Variants in GNG2 observed in about 807,000 individuals in gnomAD.
GNG2 encodes the protein guanine nucleotide-binding protein G(I)/G(S)/G(O) subunit gamma-2.
A neutral mutation model predicts 5.5 loss-of-function variants in GNG2; 5 were observed. The ratio of observed to expected loss-of-function variants is 0.91; its 90% CI spans 0.48 to 1.92. GNG2 has a LOEUF of 1.92. Ranked by LOEUF, GNG2 falls within the 30% of genes most tolerant of loss-of-function variation. The pLI is 0.01. For missense variants in GNG2, 55 were observed against 88.4 expected (o/e 0.62, Z 1.52); for synonymous variants, 28 against 32.0 (o/e 0.88, Z 0.42).
At chr14:51,830,984 C>G (rs1279484664) in intron 2 of GNG2, among the ~76,000 whole-genome samples, 1 of 152,220 alleles carries the variant, frequency 6.6e-6, no homozygotes, top group African/African-American at 2.4e-5. Flanking sequence ...TGTCCTGCCT[C>G]TCTCTCCTTT....
At chr14:51,853,273 A>T (rs1881997661) in intron 2 of GNG2, among the ~76,000 whole-genome samples, 1 of 152,206 alleles carries the variant, frequency 6.6e-6, no homozygotes, top group African/African-American at 2.4e-5. Context: ...AGATGAAGAG[A>T]TGCGAGACCT....
intron 2 of GNG2, among the ~76,000 whole-genome samples, chr14:51,838,961 C>T (rs1813167274): frequency 6.6e-6 from 1 of 152,134 alleles, no homozygotes; most frequent in Non-Finnish European, 1.5e-5. Context: ...AGTATGTACA[C>T]CCCATGGATG....
At chr14:51,916,420 T>C (rs151056512) in intron 2 of GNG2, 12,274 of 451,584 alleles carry the variant, frequency 0.027, 297 homozygotes, top group South Asian at 0.056. Context: ...CGAGGACCTA[T>C]TTTGTACTAA....
intron 2 of GNG2, among the ~76,000 whole-genome samples, chr14:51,838,527 A>G (rs1000693306): frequency 1.3e-5 from 2 of 152,206 alleles, no homozygotes; most frequent in Non-Finnish European, 2.9e-5. Context: ...CAAATCCGAC[A>G]TAACAAATGA....
rs1476770799 is a variant in GNG2 at position 51,867,915 on chromosome 14, C to T, written c.-71+7125C>T. On this transcript the variant is annotated intron_variant, in intron 1 of 3. Transcript: ENST00000556766. ...AATCTGCATAATTTTTTTTTTTGAC[C>T]ACACTCCAAGCTCTTTGAGGACAGC... Among the ~76,000 whole-genome samples, 3 of 151,666 alleles carry T rather than the reference C, an allele frequency of 2.0e-5. No individual in the cohort carries two copies. In the East Asian group the frequency reaches 5.8e-4, roughly 29 times the overall value.
intron 2 of GNG2, among the ~76,000 whole-genome samples, chr14:51,935,780 G>C (rs1040207715): frequency 2.6e-5 from 4 of 152,140 alleles, no homozygotes; most frequent in African/African-American, 7.2e-5. Context: ...AGGTTGCAGG[G>C]AGCTTTTACT....
At position 51,967,051 on chromosome 14, in the gene GNG2, A is replaced by G. The variant is rs75178068; in HGVS notation, c.*364A>G. The G allele has an allele frequency of 6.9e-6, 1 of 145,902 alleles. No individual in the cohort carries two copies. Among genetic ancestry groups the G allele is most frequent in the East Asian group, 2.3e-4 (1 of 4,430 alleles). 9.0% of individuals were successfully genotyped at this position (145,902 alleles called of 1,614,324 possible). ...GCTGTACTGAGGTAAGATATGTGTG[A>G]CCTTCTTGGAATGAATATTGTCTTT... On this transcript the variant is annotated 3_prime_UTR_variant, in exon 4 of 4. Coordinates refer to ENST00000556766, the MANE Select transcript of GNG2 (RefSeq NM_053064.5).
chr14:51,890,907 A>AGACACACAAGG (rs58145402), intron 2 of GNG2, among the ~76,000 whole-genome samples: 14 of 151,992 alleles, frequency 9.2e-5, no homozygotes, highest in African/African-American at 3.1e-4. Context: ...TGGTATATGA[A>AGACACACAAGG]ATTGAGTAGT....
chr14:51,904,771 A>C (rs1174599772), intron 2 of GNG2, among the ~76,000 whole-genome samples: 3 of 152,224 alleles, frequency 2.0e-5, no homozygotes. Context: ...ATTCAAGTTG[A>C]GTTTTCGGTG....
chr14:51,834,740 G>A (rs1594828622), intron 2 of GNG2, among the ~76,000 whole-genome samples: 1 of 152,174 alleles, frequency 6.6e-6, no homozygotes, highest in Non-Finnish European at 1.5e-5. Flanking sequence ...CACATCTAGC[G>A]CTATAATGCA....
At chr14:51,959,443 A>G (rs1173427138) in intron 3 of GNG2, among the ~76,000 whole-genome samples, 1 of 152,060 alleles carries the variant, frequency 6.6e-6, no homozygotes, top group Non-Finnish European at 1.5e-5. Flanking sequence ...TTCCTTTTTT[A>G]TTCATACTGT....
At chr14:51,869,964 G>A (rs12878420) in intron 1 of GNG2, among the ~76,000 whole-genome samples, 1 of 151,994 alleles carries the variant, frequency 6.6e-6, no homozygotes, top group Non-Finnish European at 1.5e-5. Context: ...GCCCAGGCTC[G>A]CTGAAGAACA....
chr14:51,919,397 C>T (rs1023747027), intron 2 of GNG2, among the ~76,000 whole-genome samples: 18 of 152,196 alleles, frequency 1.2e-4, no homozygotes, highest in Admixed American at 3.3e-4. Context: ...AGTCTTTAAA[C>T]ATAGCTCTTT....
chr14:51,911,146 A>G (rs1005929483), intron 2 of GNG2, among the ~76,000 whole-genome samples: 10 of 152,354 alleles, frequency 6.6e-5, no homozygotes, highest in African/African-American at 2.2e-4. Flanking sequence ...GGGGCTTGTC[A>G]GTACCATTGG....
At position 51,966,604 on chromosome 14, in the gene GNG2, G is replaced by A. The variant is rs1889935426; in HGVS notation, c.133G>A (p.Ala45Thr). 2 of 1,613,514 alleles carry A rather than the reference G, an allele frequency of 1.2e-6. No homozygotes were observed. The highest frequency in any genetic ancestry group is 2.2e-5 in the South Asian group (2 of 91,068). Residue 45 changes from alanine to threonine, a missense_variant, in exon 4 of 4, where the codon GCC becomes ACC. Ala to Thr is a moderately conservative substitution (Grantham distance 58). Coordinates refer to ENST00000556766, the MANE Select transcript of GNG2 (RefSeq NM_053064.5). ...ADLMAYCEAH[A>T]KEDPLLTPVP... ...TTTGATGGCCTACTGTGAAGCACAT[G>A]CCAAGGAAGACCCCCTCCTGACCCC...
At chr14:51,855,998 T>C (rs2884136), upstream of GNG2, among the ~76,000 whole-genome samples, 84,386 of 151,906 alleles carry the variant, frequency 0.56, 24,530 homozygotes, top group Non-Finnish European at 0.63. Flanking sequence ...CATAGCAAAA[T>C]GCCATCTGTA....
Position 51,889,449 on chromosome 14 carries a change from A to G in GNG2, c.-30+11792A>G, listed in dbSNP as rs189922825. On this transcript the variant is annotated intron_variant, in intron 2 of 3. Transcript: ENST00000556766. ...AATATTCTGATATTTGATAGTGGTG[A>G]TGGGTACAGAATTCACAGTCTAATC... 1.3e-3 allele frequency among the ~76,000 whole-genome samples: 205 copies of G among 152,282 alleles called. 1 individual carries two copies. Among genetic ancestry groups the G allele is most frequent in the African/African-American group, 4.8e-3 (200 of 41,556 alleles).
chr14:51,935,735 G>C (rs1245609741), intron 2 of GNG2, among the ~76,000 whole-genome samples: 2 of 152,024 alleles, frequency 1.3e-5, no homozygotes, highest in Non-Finnish European at 2.9e-5. Context: ...GCCGTTGTAG[G>C]AAGCCTGGCA....
intron 2 of GNG2, among the ~76,000 whole-genome samples, chr14:51,927,070 C>G (rs1319071401): frequency 6.6e-6 from 1 of 152,210 alleles, no homozygotes; most frequent in Non-Finnish European, 1.5e-5. Flanking sequence ...TGATCCCATT[C>G]TCTCATTTAG....
Sources: allele counts gnomAD v4.1 joint callset (sites outside exome capture counted in the v4.1 genomes callset), GRCh38; gene constraint gnomAD v4.1.1; transcripts MANE v1.5; gene names NCBI Gene and HGNC (gene_info 2026-07-23, HGNC 2026-07-21).